The following COX8C variants were observed in gnomAD, a reference collection of about 807,000 sequenced individuals.
COX8C encodes the protein cytochrome c oxidase subunit 8C, also known as cytochrome c oxidase subunit 8C, mitochondrial.
A neutral mutation model predicts 3.5 loss-of-function variants in COX8C; 3 were observed. That is an observed-to-expected ratio of 0.86 (90% CI 0.39 to 2.24). COX8C has a LOEUF of 2.24. Among genes scored for constraint, COX8C ranks in the 30% most tolerant of loss-of-function variants. The pLI is 0.05. For missense variants in COX8C, 113 were observed against 102.5 expected, an observed-to-expected ratio of 1.10 and a Z score of -0.44; for synonymous variants, 46 against 44.1, an observed-to-expected ratio of 1.04 and a Z score of -0.17.
chr14:93,348,218 A>G lies in COX8C; in HGVS notation c.*98A>G. ...AAAATTGCCTAGTTGAGTTGATGCA[A>G]CCATTGTGGTATTCACTTTCCTCAT... On this transcript the variant is annotated 3_prime_UTR_variant, in exon 2 of 2. Coordinates refer to ENST00000342144, the MANE Select transcript of COX8C (RefSeq NM_182971.3). 1.4e-6 allele frequency: 1 copy of G among 724,328 alleles called. No individual in the cohort carries two copies. The highest frequency in any genetic ancestry group is 2.6e-5 in the East Asian group (1 of 38,674). 44.9% of individuals were successfully genotyped at this position (724,328 alleles called of 1,614,324 possible).
rs371950533 is a variant in COX8C at position 93,347,267 on chromosome 14, A to C, written c.-2A>C. 2.3e-5 allele frequency: 37 copies of C among 1,602,760 alleles called. No homozygotes were observed. The African/African-American group carries it at 4.7e-4, about 20-fold the overall frequency. On this transcript the variant is annotated 5_prime_UTR_variant, in exon 1 of 2. Transcript: ENST00000342144. ...GCCTGGCTTTGTCTCACCTGACGCG[A>C]TATGCCTCTCCTGCGTGGGCGCTGT...
chr14:93,347,737 C>T (rs2053891053), intron 1 of COX8C, among the ~76,000 whole-genome samples: 1 of 152,084 alleles, frequency 6.6e-6, no homozygotes, highest in Non-Finnish European at 1.5e-5. Flanking sequence ...CTCGGACGTC[C>T]TCGGCACTGC....
At chr14:93,347,432 G>A (rs1172381893) in intron 1 of COX8C, 38 bp downstream of exon 1, 2 of 1,434,756 alleles carry the variant, frequency 1.4e-6, no homozygotes, top group South Asian at 1.4e-5. Flanking sequence ...GGCGGGAAGC[G>A]CGTGGCCCTG....
At chr14:93,347,486 C>T in intron 1 of COX8C, 92 bp downstream of exon 1, 1 of 1,330,036 alleles carries the variant, frequency 7.5e-7, no homozygotes, top group Admixed American at 3.5e-5. Context: ...ACACGGCGTG[C>T]AGGCCTCGCG....
rs1420808107 is a variant in COX8C, at chr14:93,348,253, G to A, written c.*133G>A. On this transcript the variant is annotated 3_prime_UTR_variant, in exon 2 of 2. Transcript: ENST00000342144. ...TATTCACTTTCCTCATGTTTATGAT[G>A]AATATTTTGCACTTTTTTAGTACTG... 4.8e-6 allele frequency: 3 copies of A among 624,794 alleles called. No homozygotes were observed. Among genetic ancestry groups the A allele is most frequent in the African/African-American group, 1.8e-5 (1 of 54,686 alleles). The allele number at this position is 624,794 out of a possible 1,614,324, so 38.7% of individuals were successfully genotyped here. A position where few individuals can be genotyped will look rare whatever the true frequency, so the allele number is the denominator to read the frequency against.
chr14:93,347,369 C>A lies in COX8C; in HGVS notation c.101C>A (p.Pro34Gln), dbSNP rs1253076109. 2 of 1,566,286 alleles carry A rather than the reference C, an allele frequency of 1.3e-6. No homozygotes were observed. Among genetic ancestry groups the A allele is most frequent in the Non-Finnish European group, 1.7e-6 (2 of 1,162,374 alleles). ...PAPRFAHSGPPRQRPLSAAEM... is the reference protein window; with the variant it reads ...PAPRFAHSGPQRQRPLSAAEM... ...CCCCGCTTCGCCCACTCGGGGCCCC[C>A]GCGCCAGCGGCCCCTGTCTGCCGCG... The change falls in exon 1 of 2, where the codon CCG (proline) becomes CAG (glutamine). Residue 34 changes from proline to glutamine, a missense_variant. Coordinates refer to ENST00000342144, the MANE Select transcript of COX8C (RefSeq NM_182971.3).
intron 1 of COX8C, among the ~76,000 whole-genome samples, chr14:93,347,673 C>A (rs977768851): frequency 2.0e-5 from 3 of 152,010 alleles, no homozygotes; most frequent in African/African-American, 7.2e-5. Flanking sequence ...TACCCTTTAC[C>A]GGCACCTGGC....
chr14:93,347,451 C>T, intron 1 of COX8C, 57 bp downstream of exon 1: 3 of 1,391,434 alleles, frequency 2.2e-6, no homozygotes, highest in East Asian at 2.9e-5. Context: ...TGGCGGGGCG[C>T]CCCGACGGGT....
chr14:93,347,919 G>A, intron 1 of COX8C, 109 bp from the exon 2 acceptor site: 1 of 649,796 alleles, frequency 1.5e-6, no homozygotes. Flanking sequence ...CCTGTTTCTA[G>A]GACAACGGTC....
rs759791285 is a variant in COX8C, at chr14:93,347,300, G to A, written c.32G>A (p.Arg11His). 3 of 1,605,058 alleles carry A rather than the reference G, an allele frequency of 1.9e-6. No individual in the cohort carries two copies. Among genetic ancestry groups the A allele is most frequent in the South Asian group, 2.2e-5 (2 of 90,742 alleles). The change falls in exon 1 of 2, where the codon CGC (arginine) becomes CAC (histidine). Residue 11 changes from arginine (R) to histidine (H), a missense_variant. Arg to His is a conservative substitution (Grantham distance 29). Coordinates refer to ENST00000342144, the MANE Select transcript of COX8C (RefSeq NM_182971.3). MPLLRGRCPA[R>H]RHYRRLALLG... ...CTCCTGCGTGGGCGCTGTCCTGCCC[G>A]CCGCCACTACCGCCGCTTGGCCCTG...
At position 93,347,526 on chromosome 14, in the gene COX8C, G is replaced by C. The variant is rs941778277; in HGVS notation, c.126+132G>C. On this transcript the variant is annotated intron_variant, in intron 1 of 1. Coordinates refer to ENST00000342144, the MANE Select transcript of COX8C (RefSeq NM_182971.3). ...AGGCTCTTGTGGCTTGGTCGCCGTTGGGGGAGGTTCCTGTGGCTTGGTCGC... is the reference window on the plus strand; with the variant it reads ...AGGCTCTTGTGGCTTGGTCGCCGTTCGGGGAGGTTCCTGTGGCTTGGTCGC... The C allele has an allele frequency of 2.1e-5, 24 of 1,128,302 alleles. No individual in the cohort carries two copies. The African/African-American group carries it at 4.0e-4, about 19-fold the overall frequency. The allele number at this position is 1,128,302 out of a possible 1,614,324, so 69.9% of individuals were successfully genotyped here.
chr14:93,347,458 G>T, intron 1 of COX8C, 64 bp downstream of exon 1: 2 of 1,384,910 alleles, frequency 1.4e-6, no homozygotes, highest in Non-Finnish European at 1.9e-6. Flanking sequence ...GCGCCCCGAC[G>T]GGTGGGGAGA....
At chr14:93,347,445 G>A in intron 1 of COX8C, 51 bp downstream of exon 1, 2 of 1,402,644 alleles carry the variant, frequency 1.4e-6, no homozygotes, top group South Asian at 1.5e-5. Flanking sequence ...TGGCCCTGGC[G>A]GGGCGCCCCG....
Position 93,347,334 on chromosome 14 carries a change from G to A in COX8C, c.66G>A (p.Leu22=), listed in dbSNP as rs140891651. The change falls in exon 1 of 2, where the codon CTG becomes CTA. Residue 22 remains leucine, a synonymous_variant. Transcript: ENST00000342144. ...RHYRRLALLG[L]QPAPRFAHSG... ...ACCGCCGCTTGGCCCTGCTCGGCCT[G>A]CAGCCCGCTCCCCGCTTCGCCCACT... 1.9e-6 allele frequency: 3 copies of A among 1,601,278 alleles called. No homozygotes were observed. Among genetic ancestry groups the A allele is most frequent in the Admixed American group, 3.4e-5 (2 of 59,668 alleles).
chr14:93,347,272 C>A lies in COX8C; in HGVS notation c.4C>A (p.Pro2Thr). 6.2e-7 allele frequency: 1 copy of A among 1,603,780 alleles called. No homozygotes were observed. Among genetic ancestry groups the A allele is most frequent in the Non-Finnish European group, 8.5e-7 (1 of 1,175,840 alleles). Reference protein sequence around the residue: MPLLRGRCPARR... With the variant: MTLLRGRCPARR... ...GCTTTGTCTCACCTGACGCGATATG[C>A]CTCTCCTGCGTGGGCGCTGTCCTGC... Residue 2 changes from proline to threonine, a missense_variant, in exon 1 of 2, where the codon CCT becomes ACT. Pro to Thr is a conservative substitution (Grantham distance 38, BLOSUM62 -1). Transcript: ENST00000342144.
rs2053902611 is a variant in COX8C at position 93,348,033 on chromosome 14, G to C, written c.132G>C (p.Met44Ile). 2 of 1,605,554 alleles carry C rather than the reference G, an allele frequency of 1.2e-6. No individual in the cohort carries two copies. The highest frequency in any genetic ancestry group is 1.3e-5 in the African/African-American group (1 of 74,878). ...PRQRPLSAAE[M>I]AVGLVVFFTT... is the part of the protein sequence containing the mutation. ...CGTGTCATCTTCTCTTCCAGGAAAT[G>C]GCTGTTGGACTTGTGGTGTTTTTTA... Residue 44 changes from methionine to isoleucine, a missense_variant, in exon 2 of 2, where the codon ATG becomes ATC. Physicochemically the swap from Met to Ile is conservative, Grantham distance 10. Transcript: ENST00000342144.
chr14:93,347,507 T>C (rs1386478744), intron 1 of COX8C, 113 bp downstream of exon 1: 23 of 1,241,424 alleles, frequency 1.9e-5, no homozygotes, highest in Non-Finnish European at 2.3e-5. Flanking sequence ...TGGGAGGCTC[T>C]TGTGGCTTGG....
In COX8C at chr14:93,348,327, A is replaced by T. The variant is rs2053911806; in HGVS notation, c.*207A>T. The T allele has an allele frequency of 4.1e-6, 2 of 493,682 alleles. No homozygotes were observed. The highest frequency in any genetic ancestry group is 7.2e-6 in the Non-Finnish European group (2 of 279,416). 30.6% of individuals were successfully genotyped at this position (493,682 alleles called of 1,614,324 possible). On this transcript the variant is annotated 3_prime_UTR_variant, in exon 2 of 2. Transcript: ENST00000342144. ...AAAATGTTCTGCTTAAGTGTTAAAT[A>T]AAACGGAAACACTTATTCGTGCTTG... is the stretch of plus-strand genomic sequence containing the variant.
Position 93,347,247 on chromosome 14 carries a change from G to T in COX8C, c.-22G>T. 1 of 1,588,038 alleles carries T rather than the reference G, an allele frequency of 6.3e-7. No homozygotes were observed. The highest frequency in any genetic ancestry group is 8.6e-7 in the Non-Finnish European group (1 of 1,167,598). ...ACCTCACCTGTGCTGTCCACGCCTG[G>T]CTTTGTCTCACCTGACGCGATATGC... is the stretch of plus-strand genomic sequence containing the variant. On this transcript the variant is annotated 5_prime_UTR_variant, in exon 1 of 2. Transcript: ENST00000342144.
Sources: allele counts gnomAD v4.1 joint callset (sites outside exome capture counted in the v4.1 genomes callset), GRCh38; gene constraint gnomAD v4.1.1; transcripts MANE v1.5; gene names NCBI Gene and HGNC (gene_info 2026-07-23, HGNC 2026-07-21).